The following LCT variants were observed in gnomAD, a reference collection of about 807,000 sequenced individuals.
LCT encodes lactase/phlorizin hydrolase.
A neutral mutation model predicts 173.0 loss-of-function variants in LCT; 90 were observed. The ratio of observed to expected loss-of-function variants is 0.52; its 90% confidence interval spans 0.44 to 0.62. The LOEUF is 0.62. Ranked by LOEUF, LCT falls within the 20% of genes least tolerant of loss-of-function variation. LCT has a pLI of 0.00. For synonymous variants in LCT, 853 were observed against 957.6 expected, an observed-to-expected ratio of 0.89 and a Z score of 2.02; for missense variants, 1,864 against 2,431.4, an observed-to-expected ratio of 0.77 and a Z score of 4.91.
rs112440562 is a variant in LCT, at chr2:135,821,840, A to G, written c.986+180T>C. 6,402 of 602,866 alleles carry G rather than the reference A, an allele frequency of 0.011. 307 individuals are homozygous for G. The highest frequency in any genetic ancestry group is 0.11 in the African/African-American group (5,725 of 54,054). 37.3% of individuals were successfully genotyped at this position (602,866 alleles called of 1,614,324 possible). On this transcript the variant is annotated intron_variant, in intron 5 of 16. Transcript: ENST00000264162. Reference sequence around the variant, plus strand: ...GAGAAAGCAGAACCTCGTGAGTCCCACTCAGTAAGAGACTCCCTACTTTCT... The same window carrying G: ...GAGAAAGCAGAACCTCGTGAGTCCCGCTCAGTAAGAGACTCCCTACTTTCT...
In LCT at chr2:135,803,697, G is replaced by A. The variant is rs868166130; in HGVS notation, c.4663+233C>T. 2.6e-5 allele frequency among the ~76,000 whole-genome samples: 4 copies of A among 152,212 alleles called. No homozygotes were observed. In the South Asian group the frequency reaches 8.3e-4, roughly 32 times the overall value. On this transcript the variant is annotated intron_variant, in intron 11 of 16. Transcript: ENST00000264162. Reference sequence around the variant, plus strand: ...TGATCTCAGAGAGCTTCCCACCTGAGGCCGATCAGAGTCACAGAGCAAAGA... The same window carrying A: ...TGATCTCAGAGAGCTTCCCACCTGAAGCCGATCAGAGTCACAGAGCAAAGA...
intron 3 of LCT, among the ~76,000 whole-genome samples, chr2:135,824,508 T>C (rs796334956): frequency 2.6e-5 from 4 of 152,056 alleles, no homozygotes; most frequent in Non-Finnish European, 2.9e-5. Context: ...ACCACTGCAC[T>C]CCAGCCTGGG....
In LCT at chr2:135,809,199, A is replaced by G; in HGVS notation, c.3148T>C (p.Phe1050Leu). 6.2e-7 allele frequency: 1 copy of G among 1,614,232 alleles called. No homozygotes were observed. Among genetic ancestry groups the G allele is most frequent in the Non-Finnish European group, 8.5e-7 (1 of 1,180,038 alleles). Reference protein sequence around the residue: ...DLFDSYADFCFQTFGDRVKFW... With the variant: ...DLFDSYADFCLQTFGDRVKFW... ...TTGACTCTATCACCAAAGGTCTGGA[A>G]ACAAAAGTCTGCGTAGCTGTCAAAC... The change falls in exon 8 of 17, where the codon TTC becomes CTC. Residue 1050 changes from phenylalanine to leucine, a missense_variant. This residue lies in a region of LCT where 755 missense variants were observed against 926.3 expected (regional missense o/e 0.82). Coordinates refer to ENST00000264162, the MANE Select transcript of LCT (RefSeq NM_002299.4). The surrounding 1 kb of genome is among the most constrained non-coding windows in gnomAD (Gnocchi z 5.5).
rs1216378457 is a variant in LCT, at chr2:135,790,903, A to G, written c.5112-22T>C. 2 of 1,569,100 alleles carry G rather than the reference A, an allele frequency of 1.3e-6. No homozygotes were observed. The highest frequency in any genetic ancestry group is 1.1e-5 in the South Asian group (1 of 90,246). ...TCCTCTACAAGTTCAAAAACTAAAG[A>G]TGAGGTCTTGTTTTGTAAATCTCAA... On this transcript the variant is annotated intron_variant, in intron 14 of 16. Coordinates refer to ENST00000264162, the MANE Select transcript of LCT (RefSeq NM_002299.4). This position sits in a 1 kb window ranked among gnomAD's most constrained non-coding sequence, Gnocchi z 4.1.
intron 9 of LCT, 37 bp from the exon 10 acceptor site, chr2:135,805,094 A>G (rs2077659023): frequency 6.3e-7 from 1 of 1,597,010 alleles, no homozygotes; most frequent in Non-Finnish European, 8.6e-7. Flanking sequence ...TAAGTCATTC[A>G]GTCAAGCACT....
In LCT at chr2:135,809,270, G is replaced by A; in HGVS notation, c.3077C>T (p.Ala1026Val). The A allele has an allele frequency of 6.2e-7, 1 of 1,614,130 alleles. No individual in the cohort carries two copies. Among genetic ancestry groups the A allele is most frequent in the Non-Finnish European group, 8.5e-7 (1 of 1,179,954 alleles). Reference protein sequence around the residue: ...VTLFHWDLPQALQDIGGWENP... With the variant: ...VTLFHWDLPQVLQDIGGWENP... ...CTCCCAGCCTCCGATATCCTGGAGG[G>A]CCTGGGGCAGGTCCCAATGGAACAA... is the stretch of plus-strand genomic sequence containing the variant. Residue 1026 changes from alanine (A) to valine (V), a missense_variant, in exon 8 of 17, where the codon GCC becomes GTC. Transcript: ENST00000264162. The surrounding 1 kb of genome is among the most constrained non-coding windows in gnomAD (Gnocchi z 5.5).
Position 135,817,961 on chromosome 2 carries a change from A to G in LCT, c.1087T>C (p.Trp363Arg), listed in dbSNP as rs2077795117. The G allele has an allele frequency of 1.2e-6, 2 of 1,613,784 alleles. No homozygotes were observed. The highest frequency in any genetic ancestry group is 1.7e-6 in the Non-Finnish European group (2 of 1,180,002). The change falls in exon 6 of 17, where the codon TGG (tryptophan) becomes CGG (arginine). Residue 363 changes from tryptophan to arginine, a missense_variant. Around this residue, in one of 4 missense-constraint regions of LCT, gnomAD observed 412 missense variants for 462.0 expected, o/e 0.89. Transcript: ENST00000264162. ...CTGGACTGATTGGCAAATGCTTCCCAGATTCTCTGATAGGCAGAGGCAGGA... is the reference window on the plus strand; with the variant it reads ...CTGGACTGATTGGCAAATGCTTCCCGGATTCTCTGATAGGCAGAGGCAGGA... ...SSPASAYQRIWEAFANQSRAE... is the reference protein window; with the variant it reads ...SSPASAYQRIREAFANQSRAE...
chr2:135,794,464 C>G (rs1053376974), intron 14 of LCT, 177 bp downstream of exon 14: 5 of 692,022 alleles, frequency 7.2e-6, no homozygotes, highest in Non-Finnish European at 1.0e-5. Context: ...GCCTTCTCTC[C>G]CTCTTGCTTG....
At chr2:135,791,041 C>T (rs2077530228) in intron 14 of LCT, among the ~76,000 whole-genome samples, 160 bp from the exon 15 acceptor site, 1 of 152,236 alleles carries the variant, frequency 6.6e-6, no homozygotes, top group African/African-American at 2.4e-5. Context: ...TCAAATTCTC[C>T]TCCTTTCGCT....
intron 13 of LCT, among the ~76,000 whole-genome samples, chr2:135,796,646 C>T (rs1007250478): frequency 3.3e-5 from 5 of 152,252 alleles, no homozygotes; most frequent in African/African-American, 1.2e-4. Context: ...CTACCCTGAT[C>T]TCATCTTCTG....
At chr2:135,796,650 T>C (rs1017251098) in intron 13 of LCT, among the ~76,000 whole-genome samples, 1 of 152,216 alleles carries the variant, frequency 6.6e-6, no homozygotes, top group Non-Finnish European at 1.5e-5. Context: ...CCTGATCTCA[T>C]CTTCTGAGTT....
rs1553436125 is a variant in LCT, at chr2:135,835,976, G to GTATATAAATATATA, written c.640+553_640+554insTATATATTTATATA. 1.5e-3 allele frequency among the ~76,000 whole-genome samples: 122 copies of GTATATAAATATATA among 80,446 alleles called. 12 individuals carry two copies. Among genetic ancestry groups the GTATATAAATATATA allele is most frequent in the African/African-American group, 7.8e-3 (117 of 15,026 alleles). The allele number at this position is 80,446 out of a possible 152,430, so 52.8% of individuals were successfully genotyped here. ...AGGGGTATTTCAAAAATACATGTGT[G>GTATATAAATATATA]TATATATATATATATATATATATAT... On this transcript the variant is annotated intron_variant, in intron 1 of 16. Transcript: ENST00000264162.
In LCT at chr2:135,829,549, C is replaced by T; in HGVS notation, c.804+44G>A. 5 of 1,395,778 alleles carry T rather than the reference C, an allele frequency of 3.6e-6. No homozygotes were observed. The Middle Eastern group carries it at 8.8e-4, about 247-fold the overall frequency. The allele number at this position is 1,395,778 out of a possible 1,614,324, so 86.5% of individuals were successfully genotyped here. A position where few individuals can be genotyped will look rare whatever the true frequency, so the allele number is the denominator to read the frequency against. ...TAAATGTCTAATCTGCTCTCTGAAA[C>T]CTTCGCTGCATTCATCATTAATGTG... On this transcript the variant is annotated intron_variant, in intron 3 of 16. Transcript: ENST00000264162.
At chr2:135,827,711 G>A (rs776368234) in intron 3 of LCT, among the ~76,000 whole-genome samples, 11 of 152,138 alleles carry the variant, frequency 7.2e-5, no homozygotes, top group Non-Finnish European at 1.3e-4. Context: ...TAATATGGTC[G>A]CTGATCTGAC....
intron 6 of LCT, among the ~76,000 whole-genome samples, chr2:135,814,520 C>T (rs1444511694): frequency 6.6e-6 from 1 of 151,516 alleles, no homozygotes; most frequent in African/African-American, 2.4e-5. Context: ...TAATAAAATA[C>T]CTTTTTTTTT....
chr2:135,822,093 T>A lies in LCT; in HGVS notation c.913A>T (p.Asn305Tyr). ...SLLFSLFEAI[N>Y]KDQVLTIGFD... ...CCAATGGTGAGCACTTGGTCTTTAT[T>A]TATGGCTGTAAGAGAAGAAATTGAA... The change falls in exon 5 of 17, where the codon AAT (asparagine) becomes TAT (tyrosine). Residue 305 changes from asparagine (N) to tyrosine (Y), a missense_variant. This residue lies in a region of LCT where 412 missense variants were observed against 462.0 expected (regional missense o/e 0.89). Transcript: ENST00000264162. 1.9e-6 allele frequency: 3 copies of A among 1,583,076 alleles called. No homozygotes were observed. The highest frequency in any genetic ancestry group is 2.6e-6 in the Non-Finnish European group (3 of 1,151,692).
intron 8 of LCT, 119 bp downstream of exon 8, chr2:135,808,324 G>A: frequency 1.2e-6 from 1 of 869,170 alleles, no homozygotes; most frequent in Non-Finnish European, 2.0e-6. Flanking sequence ...GAATTATGGA[G>A]TTGGGACCTA....
rs386833832 is a variant in LCT, at chr2:135,817,351, GCCACT to G, written c.1692_1696del (p.Val565LeufsTer3). 2.0e-5 allele frequency: 33 copies of G among 1,613,752 alleles called. No homozygotes were observed. Among genetic ancestry groups the G allele is most frequent in the Non-Finnish European group, 1.7e-6 (2 of 1,179,882 alleles). ...AGGGTTGGGAAGTACCTTAAAAGAG[GCCACT>G]CCTGGGTCAGAGATGCCGGGAGGGT... On this transcript the variant is annotated frameshift_variant, in exon 6 of 17. Coordinates refer to ENST00000264162, the MANE Select transcript of LCT (RefSeq NM_002299.4). LOFTEE classifies it high-confidence loss of function.
In LCT at chr2:135,790,947, C is replaced by T; in HGVS notation, c.5112-66G>A. 1 of 1,185,268 alleles carries T rather than the reference C, an allele frequency of 8.4e-7. No homozygotes were observed. The highest frequency in any genetic ancestry group is 1.3e-6 in the Non-Finnish European group (1 of 792,972). 73.4% of individuals were successfully genotyped at this position (1,185,268 alleles called of 1,614,324 possible). ...ATCTCAAGAGGCCCTTTACACGAAA[C>T]ACAAAACAGGACTTAGACCAGGAAA... On this transcript the variant is annotated intron_variant, in intron 14 of 16. Transcript: ENST00000264162. The surrounding 1 kb of genome is among the most constrained non-coding windows in gnomAD (Gnocchi z 4.1).
Sources: allele counts gnomAD v4.1 joint callset (sites outside exome capture counted in the v4.1 genomes callset), GRCh38; gene constraint gnomAD v4.1.1; regional missense constraint gnomAD v4.1.1; non-coding constraint Gnocchi (gnomAD v3.1); transcripts MANE v1.5; gene names NCBI Gene and HGNC (gene_info 2026-07-23, HGNC 2026-07-21).